NRXN1: variants seen among roughly 807,000 people sequenced by gnomAD.
NRXN1 encodes neurexin 1, also known as neurexin-1.
A neutral mutation model predicts 150.9 loss-of-function variants in NRXN1; 39 were observed. The ratio of observed to expected loss-of-function variants is 0.26; its 90% CI spans 0.20 to 0.34. The LOEUF (loss-of-function observed/expected upper bound fraction) is 0.34, where lower values mean the gene tolerates loss of function less well. Ranked by LOEUF, NRXN1 falls within the 10% of genes least tolerant of loss-of-function variation. NRXN1 has a pLI of 1.00. For synonymous variants in NRXN1, 924 were observed against 757.0 expected (o/e 1.22, Z -3.62); for missense variants, 1,815 against 1,949.9 (o/e 0.93, Z 1.30).
chr2:50,577,929 CATAG>C (rs1486949055), intron 8 of NRXN1, among the ~76,000 whole-genome samples: 2 of 152,032 alleles, frequency 1.3e-5, no homozygotes, highest in East Asian at 1.9e-4. Flanking sequence ...AGCACTTGTG[CATAG>C]ATAGATACTA....
At chr2:50,976,434 C>G (rs1028058014) in intron 2 of NRXN1, among the ~76,000 whole-genome samples, 7 of 151,820 alleles carry the variant, frequency 4.6e-5, no homozygotes, top group Non-Finnish European at 7.4e-5. Context: ...CACAGTTTTT[C>G]TTCACTTATG....
chr2:50,382,496 T>C (rs143885033), intron 17 of NRXN1, among the ~76,000 whole-genome samples: 1 of 152,160 alleles, frequency 6.6e-6, no homozygotes, highest in African/African-American at 2.4e-5. Flanking sequence ...AATACTGGTT[T>C]CTTCAAAAGT....
intron 8 of NRXN1, among the ~76,000 whole-genome samples, chr2:50,618,608 G>C (rs1679426168): frequency 6.6e-6 from 1 of 151,866 alleles, no homozygotes; most frequent in Non-Finnish European, 1.5e-5. Context: ...TTTCATACTT[G>C]TTAGTTGTGT....
chr2:50,648,741 C>T (rs858952), intron 5 of NRXN1, among the ~76,000 whole-genome samples: 123,446 of 151,820 alleles, frequency 0.81, 50,668 homozygotes, highest in East Asian at 0.95. Context: ...TTGGGTTCAG[C>T]AAACAGCCGG....
At chr2:50,991,114 A>T (rs1411559020) in intron 2 of NRXN1, among the ~76,000 whole-genome samples, 1 of 152,040 alleles carries the variant, frequency 6.6e-6, no homozygotes, top group Non-Finnish European at 1.5e-5. Flanking sequence ...TTTTCCCTCA[A>T]ATAAATGGCA....
chr2:50,073,622 G>A (rs1025398173), intron 19 of NRXN1, among the ~76,000 whole-genome samples: 8 of 152,060 alleles, frequency 5.3e-5, no homozygotes, highest in African/African-American at 1.9e-4. Flanking sequence ...AAAAAGAGAA[G>A]CAATTTGACA....
At chr2:50,098,824 G>A (rs1700584646) in intron 18 of NRXN1, among the ~76,000 whole-genome samples, 1 of 99,062 alleles carries the variant, frequency 1.0e-5, no homozygotes, top group African/African-American at 3.7e-5. Context: ...TTTGTTTTTG[G>A]TTTTAGTTTT....
chr2:50,214,077 G>C (rs2152847497), intron 18 of NRXN1, among the ~76,000 whole-genome samples: 1 of 152,044 alleles, frequency 6.6e-6, no homozygotes, highest in South Asian at 2.1e-4. Context: ...AGAGTTGTCA[G>C]TCTTATGTTC....
At chr2:50,744,487 A>G (rs976106987) in intron 5 of NRXN1, among the ~76,000 whole-genome samples, 55 of 152,228 alleles carry the variant, frequency 3.6e-4, no homozygotes, top group African/African-American at 1.1e-3. Context: ...TTAAATCTGA[A>G]TTATTCCATT....
chr2:50,694,446 A>C (rs1336746653), intron 5 of NRXN1, among the ~76,000 whole-genome samples: 2 of 152,210 alleles, frequency 1.3e-5, no homozygotes, highest in African/African-American at 4.8e-5. Flanking sequence ...CATTTGATGT[A>C]AATAATAAAA....
intron 15 of NRXN1, among the ~76,000 whole-genome samples, chr2:50,495,139 C>G (rs1403963856): frequency 6.6e-6 from 1 of 151,946 alleles, no homozygotes; most frequent in African/African-American, 2.4e-5. Flanking sequence ...TTCTGGAATG[C>G]CTGTTGTAGT....
chr2:50,123,648 A>T (rs1469308584), intron 18 of NRXN1, among the ~76,000 whole-genome samples: 1 of 152,198 alleles, frequency 6.6e-6, no homozygotes, highest in Non-Finnish European at 1.5e-5. Context: ...TTAGCAGACT[A>T]TTGAAATACT....
At chr2:50,906,679 G>A (rs1452808978) in intron 5 of NRXN1, among the ~76,000 whole-genome samples, 3 of 151,854 alleles carry the variant, frequency 2.0e-5, no homozygotes, top group Non-Finnish European at 4.4e-5. Flanking sequence ...TCATCCTTTA[G>A]GTTCCCTTGT....
At chr2:50,332,018 C>A (rs1435788001) in intron 17 of NRXN1, among the ~76,000 whole-genome samples, 2 of 152,210 alleles carry the variant, frequency 1.3e-5, no homozygotes, top group African/African-American at 2.4e-5. Flanking sequence ...GATTCTGATA[C>A]AGTTTAAATT....
intron 5 of NRXN1, among the ~76,000 whole-genome samples, chr2:50,854,264 G>C (rs1386251221): frequency 6.6e-6 from 1 of 152,010 alleles, no homozygotes. Flanking sequence ...AGTCAAAATG[G>C]TATTTCACTT....
intron 19 of NRXN1, among the ~76,000 whole-genome samples, chr2:50,090,949 A>G (rs185754329): frequency 1.3e-5 from 2 of 152,282 alleles, no homozygotes; most frequent in Non-Finnish European, 2.9e-5. Flanking sequence ...AAAAAGTGTT[A>G]TAATATTCTT....
chr2:50,741,288 A>G (rs1395784062), intron 5 of NRXN1, among the ~76,000 whole-genome samples: 2 of 152,148 alleles, frequency 1.3e-5, no homozygotes, highest in Non-Finnish European at 2.9e-5. Context: ...TTCTCTATGG[A>G]TGAAGTTATG....
chr2:50,206,654 A>G (rs2062604006), intron 18 of NRXN1, among the ~76,000 whole-genome samples: 1 of 152,028 alleles, frequency 6.6e-6, no homozygotes, highest in Non-Finnish European at 1.5e-5. Context: ...CCTCAGGTTG[A>G]CAATCTGAAA....
At chr2:50,271,632 G>A (rs1230849666) in intron 17 of NRXN1, among the ~76,000 whole-genome samples, 1 of 152,120 alleles carries the variant, frequency 6.6e-6, no homozygotes, top group Non-Finnish European at 1.5e-5. Context: ...TTGCAAAAAT[G>A]TAACTCAAAG....
Sources: gnomAD v4.1 joint callset for allele counts (sites outside exome capture counted in the v4.1 genomes callset) on GRCh38, gnomAD v4.1.1 for gene constraint, MANE v1.5 for transcripts, NCBI Gene and HGNC (gene_info 2026-07-23, HGNC 2026-07-21) for gene names.